The following ATP11C variants were observed in gnomAD, a reference collection of about 807,000 sequenced individuals.
ATP11C encodes the protein ATPase phospholipid transporting 11C (ATP11C blood group).
ATP11C carries 36 observed loss-of-function variants against 97.4 expected under a neutral mutation model. The ratio of observed to expected loss-of-function variants is 0.37; its 90% CI spans 0.28 to 0.49. ATP11C has a LOEUF of 0.49. Among genes scored for constraint, ATP11C ranks in the 20% least tolerant of loss-of-function variants. The pLI is 0.98. For missense variants in ATP11C, 730 were observed against 824.6 expected, an observed-to-expected ratio of 0.89 and a Z score of 1.40; for synonymous variants, 275 against 290.9, an observed-to-expected ratio of 0.95 and a Z score of 0.56.
intron 5 of ATP11C, among the ~76,000 whole-genome samples, chrX:139,805,938 A>G (rs1250164358): frequency 8.9e-6 from 1 of 112,472 alleles, no homozygotes; most frequent in Non-Finnish European, 1.9e-5. Context: ...CCTCACTTAC[A>G]TAAACACTTA....
chrX:139,820,416 T>A (rs2147858460), intron 2 of ATP11C, among the ~76,000 whole-genome samples: 1 of 109,990 alleles, frequency 9.1e-6, no homozygotes, highest in African/African-American at 3.3e-5. Context: ...AAATAAATAA[T>A]AAAATAAATA....
chrX:139,931,291 G>C (rs145937421), intron 1 of ATP11C, among the ~76,000 whole-genome samples: 42 of 112,286 alleles, frequency 3.7e-4, no homozygotes, highest in African/African-American at 1.3e-3. Context: ...GAGGAGTCCA[G>C]TCACAGTCCG....
At chrX:139,854,337 C>G (rs896849494) in intron 1 of ATP11C, among the ~76,000 whole-genome samples, 2 of 112,328 alleles carry the variant, frequency 1.8e-5, no homozygotes, top group African/African-American at 6.5e-5. Context: ...TAAAAGTTAA[C>G]GTATTATCCT....
chrX:139,827,476 G>C (rs1310456092), intron 1 of ATP11C, among the ~76,000 whole-genome samples: 1 of 111,299 alleles, frequency 9.0e-6, no homozygotes, highest in Non-Finnish European at 1.9e-5. Context: ...TTTTTAATAA[G>C]TAGACTCACC....
At chrX:139,862,742 G>C (rs2084222697) in intron 1 of ATP11C, among the ~76,000 whole-genome samples, 1 of 111,647 alleles carries the variant, frequency 9.0e-6, no homozygotes, top group Non-Finnish European at 1.9e-5. Context: ...CAGAGCCAGA[G>C]TACAAATCCA....
At chrX:139,833,616 G>C (rs777027081) in intron 1 of ATP11C, among the ~76,000 whole-genome samples, 10 of 110,515 alleles carry the variant, frequency 9.0e-5, no homozygotes, top group Non-Finnish European at 1.7e-4. Flanking sequence ...CTTAAGCCCA[G>C]AAGTTCGAGG....
intron 20 of ATP11C, among the ~76,000 whole-genome samples, chrX:139,767,663 C>A (rs1347387583): frequency 9.0e-6 from 1 of 111,096 alleles, no homozygotes; most frequent in Non-Finnish European, 1.9e-5. Flanking sequence ...ACTTGCTTAT[C>A]CAGAGAGAGA....
At chrX:139,838,698 C>T (rs931288077) in intron 1 of ATP11C, among the ~76,000 whole-genome samples, 5 of 112,363 alleles carry the variant, frequency 4.4e-5, no homozygotes, top group Non-Finnish European at 7.5e-5. Flanking sequence ...CCTGTAATCA[C>T]GGTACTTTGG....
At position 139,832,413 on chromosome X, in the gene ATP11C, G is replaced by A. The variant is rs1320292405; in HGVS notation, c.28-5590C>T. 7.1e-6 allele frequency: 5 copies of A among 701,720 alleles called. No individual in the cohort carries two copies. In the East Asian group the frequency reaches 1.5e-4, roughly 22 times the overall value. The allele number at this position is 701,720 out of a possible 1,213,427, so 57.8% of individuals were successfully genotyped here. A position where few individuals can be genotyped will look rare whatever the true frequency, so the allele number is the denominator to read the frequency against. Reference sequence around the variant, plus strand: ...TAAGAGCTCAAAGCAGTACTCTGGCGGCCTTAGCCCCATTATTGCACCATT... The same window carrying A: ...TAAGAGCTCAAAGCAGTACTCTGGCAGCCTTAGCCCCATTATTGCACCATT... On this transcript the variant is annotated intron_variant, in intron 1 of 29. Coordinates refer to ENST00000682941, the MANE Select transcript of ATP11C (RefSeq NM_001353812.2).
chrX:139,890,608 A>C (rs772168944), intron 1 of ATP11C, among the ~76,000 whole-genome samples: 6 of 112,207 alleles, frequency 5.3e-5, no homozygotes, highest in Admixed American at 1.9e-4. Context: ...ACTGAAAAAC[A>C]GACTATAGAA....
chrX:139,872,464 A>C (rs767385875), intron 1 of ATP11C, among the ~76,000 whole-genome samples: 1 of 110,023 alleles, frequency 9.1e-6, no homozygotes, highest in South Asian at 3.9e-4. Flanking sequence ...TGCACCCCTT[A>C]ACTCGTCATT....
intron 1 of ATP11C, among the ~76,000 whole-genome samples, chrX:139,883,107 T>G (rs1475402199): frequency 1.8e-5 from 2 of 111,787 alleles, no homozygotes; most frequent in Non-Finnish European, 3.8e-5. Context: ...TATGTATGCT[T>G]CCATCTTGTC....
chrX:139,844,793 T>G (rs1437337786), intron 1 of ATP11C, among the ~76,000 whole-genome samples: 1 of 111,715 alleles, frequency 9.0e-6, no homozygotes, highest in African/African-American at 3.3e-5. Flanking sequence ...ATTAGGAAGC[T>G]TATCTTACCA....
intron 24 of ATP11C, among the ~76,000 whole-genome samples, chrX:139,749,261 A>C (rs919099117): frequency 1.1e-4 from 12 of 112,356 alleles, no homozygotes; most frequent in Non-Finnish European, 1.9e-4. Context: ...CAATTGCTAA[A>C]TGTAAATTTT....
chrX:139,760,959 A>C (rs2082026213), intron 22 of ATP11C, among the ~76,000 whole-genome samples: 1 of 112,067 alleles, frequency 8.9e-6, no homozygotes, highest in African/African-American at 3.2e-5. Flanking sequence ...TAGTGAACAC[A>C]TTATAAGTAA....
chrX:139,792,243 G>GA (rs753386624), intron 12 of ATP11C, among the ~76,000 whole-genome samples: 22 of 111,161 alleles, frequency 2.0e-4, no homozygotes, highest in Admixed American at 5.8e-4. Context: ...CTGAACACAT[G>GA]AAATTTCTTG....
chrX:139,727,469 G>A lies in ATP11C; in HGVS notation c.*1497C>T, dbSNP rs899964934. Reference sequence around the variant, plus strand: ...GAAAAAGGGTCTATAATGATGGAATGGCTTCTGATAACTGAAATTATGTTC... The same window carrying A: ...GAAAAAGGGTCTATAATGATGGAATAGCTTCTGATAACTGAAATTATGTTC... On this transcript the variant is annotated 3_prime_UTR_variant, in exon 30 of 30. Transcript: ENST00000682941. The A allele has an allele frequency of 6.3e-5, 7 of 111,206 alleles. No homozygotes were observed. Among genetic ancestry groups the A allele is most frequent in the Admixed American group, 3.8e-4 (4 of 10,415 alleles). 9.2% of individuals were successfully genotyped at this position (111,206 alleles called of 1,213,427 possible).
At chrX:139,742,430 G>A (rs998074747) in intron 26 of ATP11C, among the ~76,000 whole-genome samples, 10 of 111,290 alleles carry the variant, frequency 9.0e-5, no homozygotes, top group Non-Finnish European at 1.9e-4. Context: ...TGAAATAGAT[G>A]AATAAAGCAA....
chrX:139,927,604 C>CA (rs907482105), intron 1 of ATP11C, among the ~76,000 whole-genome samples: 61 of 108,494 alleles, frequency 5.6e-4, no homozygotes, highest in African/African-American at 1.7e-3. Context: ...GACTCTGTCT[C>CA]AAAAAAAATA....
Sources: gnomAD v4.1 joint callset for allele counts (sites outside exome capture counted in the v4.1 genomes callset) on GRCh38, gnomAD v4.1.1 for gene constraint, MANE v1.5 for transcripts, NCBI Gene and HGNC (gene_info 2026-07-23, HGNC 2026-07-21) for gene names.